TRPM3: variants seen among roughly 807,000 people sequenced by gnomAD.
TRPM3 encodes the protein long transient receptor potential channel 3.
In TRPM3, 77 loss-of-function variants were observed where a neutral mutation model predicts 181.2. That is an observed-to-expected ratio of 0.42 (90% CI 0.35 to 0.51). The LOEUF (loss-of-function observed/expected upper bound fraction) is 0.51. TRPM3 is among the 20% of genes least tolerant of loss of function. The pLI, the probability that TRPM3 is intolerant of heterozygous loss-of-function variation, is 0.01. For missense variants in TRPM3, 1,759 were observed against 2,196.7 expected (o/e 0.80, Z 3.98); for synonymous variants, 745 against 796.4 (o/e 0.94, Z 1.09).
intron 1 of TRPM3, among the ~76,000 whole-genome samples, chr9:71,397,017 C>T (rs1398191601): frequency 1.3e-5 from 2 of 151,814 alleles, no homozygotes; most frequent in Admixed American, 1.3e-4. Context: ...AAAACATGCA[C>T]CAGCTTTTCT....
At chr9:70,668,884 T>C (rs1041170450) in intron 9 of TRPM3, among the ~76,000 whole-genome samples, 1 of 152,220 alleles carries the variant, frequency 6.6e-6, no homozygotes, top group African/African-American at 2.4e-5. Context: ...ATTTAATGAA[T>C]GAAGCTGATT....
intron 6 of TRPM3, among the ~76,000 whole-genome samples, chr9:70,792,683 G>GAGAA (rs1284817242): frequency 6.6e-6 from 1 of 151,324 alleles, no homozygotes; most frequent in East Asian, 1.9e-4. Flanking sequence ...GAGAGAGAGA[G>GAGAA]AGAACTGATA....
At chr9:70,808,336 C>T (rs564643325) in intron 6 of TRPM3, among the ~76,000 whole-genome samples, 2 of 152,304 alleles carry the variant, frequency 1.3e-5, no homozygotes, top group East Asian at 3.9e-4. Context: ...GTGGACAGCT[C>T]TCCTGTTGGG....
intron 1 of TRPM3, among the ~76,000 whole-genome samples, chr9:71,420,438 T>C (rs1381325781): frequency 6.6e-6 from 1 of 151,666 alleles, no homozygotes; most frequent in African/African-American, 2.4e-5. Flanking sequence ...ATATGCCACT[T>C]TGGCATAAGG....
chr9:70,845,913 A>C (rs1673657654), intron 4 of TRPM3, among the ~76,000 whole-genome samples: 1 of 152,224 alleles, frequency 6.6e-6, no homozygotes, highest in Non-Finnish European at 1.5e-5. Context: ...GGAGTTAATA[A>C]AATATTTTAA....
At chr9:70,576,508 CTTT>C (rs897195308) in intron 22 of TRPM3, among the ~76,000 whole-genome samples, 13 of 138,896 alleles carry the variant, frequency 9.4e-5, no homozygotes, top group South Asian at 4.6e-4. Context: ...CCTCCTTCTT[CTTT>C]TTTTTTTTTT....
At chr9:71,005,580 C>G (rs2097664678) in intron 1 of TRPM3, among the ~76,000 whole-genome samples, 1 of 152,026 alleles carries the variant, frequency 6.6e-6, no homozygotes, top group South Asian at 2.1e-4. Context: ...ATTCAGCAAA[C>G]TTTTCAGCAG....
At chr9:71,265,449 G>A (rs1018124761) in intron 1 of TRPM3, among the ~76,000 whole-genome samples, 3 of 152,162 alleles carry the variant, frequency 2.0e-5, no homozygotes, top group Non-Finnish European at 4.4e-5. Flanking sequence ...TGAAAATGGT[G>A]ACACATATTG....
In TRPM3 at chr9:71,299,476, G is replaced by A. The variant is rs2086582871; in HGVS notation, c.183+147177C>T. On this transcript the variant is annotated intron_variant, in intron 1 of 24. Coordinates refer to the TRPM3 transcript ENST00000357533. ...AAAAGAAAAAATAGGAAGTTAGGAG[G>A]AAGAAGGAAAATAAAAGAGAAAAAG... Among the ~76,000 whole-genome samples the A allele has an allele frequency of 3.3e-5, 5 of 150,474 alleles. No homozygotes were observed. The South Asian group carries it at 1.1e-3, about 32-fold the overall frequency.
intron 7 of TRPM3, among the ~76,000 whole-genome samples, chr9:70,779,361 A>G (rs535959481): frequency 2.2e-4 from 34 of 152,322 alleles, no homozygotes; most frequent in African/African-American, 7.5e-4. Context: ...ACAGATGATT[A>G]TCTCTGGAAT....
chr9:70,910,364 G>A (rs1447498440), intron 1 of TRPM3, among the ~76,000 whole-genome samples: 2 of 151,942 alleles, frequency 1.3e-5, no homozygotes, highest in African/African-American at 2.4e-5. Flanking sequence ...TTGAAGTCAG[G>A]ATATGATTAT....
At chr9:71,153,574 C>T (rs994700136) in intron 1 of TRPM3, among the ~76,000 whole-genome samples, 8 of 152,046 alleles carry the variant, frequency 5.3e-5, no homozygotes, top group African/African-American at 1.9e-4. Context: ...CGAGCCACCA[C>T]GCCCGGCCAA....
chr9:71,446,365 C>T (rs565384890), intron 1 of TRPM3, among the ~76,000 whole-genome samples: 1 of 152,322 alleles, frequency 6.6e-6, no homozygotes, highest in South Asian at 2.1e-4. Flanking sequence ...GCTCTGTTAA[C>T]TGCAAAACTC....
At chr9:71,201,677 G>C (rs942820576) in intron 1 of TRPM3, among the ~76,000 whole-genome samples, 11 of 152,080 alleles carry the variant, frequency 7.2e-5, no homozygotes, top group African/African-American at 2.7e-4. Flanking sequence ...GGCTCCTGAG[G>C]CTTCTGCATT....
intron 22 of TRPM3, among the ~76,000 whole-genome samples, chr9:70,577,655 C>T (rs12686512): frequency 0.25 from 38,378 of 152,172 alleles, 5,333 homozygotes; most frequent in Admixed American, 0.32. Flanking sequence ...TGCTTAAGTA[C>T]GACTGCCATA....
At chr9:71,079,096 G>T (rs1398346120) in intron 1 of TRPM3, among the ~76,000 whole-genome samples, 2 of 152,118 alleles carry the variant, frequency 1.3e-5, no homozygotes, top group African/African-American at 4.8e-5. Context: ...GGGGTGACAA[G>T]CTGCTGTGTT....
chr9:71,421,698 C>G (rs1164502430), intron 1 of TRPM3, among the ~76,000 whole-genome samples: 1 of 151,998 alleles, frequency 6.6e-6, no homozygotes, highest in African/African-American at 2.4e-5. Context: ...ATACCTAGGC[C>G]ATAAGGTACA....
chr9:71,351,159 G>T (rs1364605848), intron 1 of TRPM3, among the ~76,000 whole-genome samples: 1 of 152,124 alleles, frequency 6.6e-6, no homozygotes, highest in African/African-American at 2.4e-5. Flanking sequence ...GTAGATTGTT[G>T]TCAATTTGTT....
chr9:71,161,525 A>G (rs527389246), intron 1 of TRPM3, among the ~76,000 whole-genome samples: 2 of 152,292 alleles, frequency 1.3e-5, no homozygotes, highest in Admixed American at 1.3e-4. Context: ...ACGTCCTTGA[A>G]TAAACCCTAA....
Sources: gnomAD v4.1 joint callset for allele counts (sites outside exome capture counted in the v4.1 genomes callset) on GRCh38, gnomAD v4.1.1 for gene constraint, MANE v1.5 for transcripts, NCBI Gene and HGNC (gene_info 2026-07-23, HGNC 2026-07-21) for gene names.